The following ADAMTS18 variants were observed in gnomAD, a reference collection of about 807,000 sequenced individuals.
ADAMTS18 encodes the protein A disintegrin and metalloproteinase with thrombospondin motifs 18.
A neutral mutation model predicts 165.9 loss-of-function variants in ADAMTS18; 157 were observed. The observed-to-expected ratio is 0.95, with a 90% CI of 0.83 to 1.08. The LOEUF is 1.08. ADAMTS18 is among the 50% of genes least tolerant of loss of function. The pLI, the probability that ADAMTS18 is intolerant of heterozygous loss-of-function variation, is 0.00. For missense variants in ADAMTS18, 2,040 were observed against 1,534.0 expected, an observed-to-expected ratio of 1.33 and a Z score of -5.51; for synonymous variants, 782 against 578.2, an observed-to-expected ratio of 1.35 and a Z score of -5.06.
rs114321673 is a variant in ADAMTS18 at position 77,306,974 on chromosome 16, C to G, written c.2533-6570G>C. On this transcript the variant is annotated intron_variant, in intron 16 of 22. Transcript: ENST00000282849. ...GGATTCTAATTTAAAATTCTAAAAA[C>G]TGTGTTAACTGCTGGAAAGACAACA... Among the ~76,000 whole-genome samples, 1,438 of 152,300 alleles carry G rather than the reference C, an allele frequency of 9.4e-3. 21 individuals are homozygous for G. The highest frequency in any genetic ancestry group is 0.033 in the African/African-American group (1,356 of 41,560).
chr16:77,416,638 C>T (rs2144839465), intron 3 of ADAMTS18, among the ~76,000 whole-genome samples: 1 of 152,250 alleles, frequency 6.6e-6, no homozygotes, highest in South Asian at 2.1e-4. Context: ...AACTGTGAAT[C>T]CATTAAACCT....
Position 77,431,313 on chromosome 16 carries a change from C to T in ADAMTS18, c.477G>A (p.Val159=), listed in dbSNP as rs1161028947. ...TACTTACCAAGCCAGCACACGTAGA[C>T]ACAGCGACAGAGGAGGAGCTGTCAT... The part of the protein sequence containing the change: ...IRNDSSSSVA[V]STCAGLSGLI... The change falls in exon 3 of 23, where the codon GTG becomes GTA. Residue 159 remains valine, a synonymous_variant. Transcript: ENST00000282849. 9.9e-6 allele frequency: 16 copies of T among 1,614,018 alleles called. No individual in the cohort carries two copies. Among genetic ancestry groups the T allele is most frequent in the Non-Finnish European group, 1.4e-5 (16 of 1,180,038 alleles).
At chr16:77,295,148 T>C in intron 18 of ADAMTS18, 21 bp from the exon 19 acceptor site, 1 of 1,613,768 alleles carries the variant, frequency 6.2e-7, no homozygotes, top group Non-Finnish European at 8.5e-7. Flanking sequence ...AAAACAAACA[T>C]TACCAATGAA....
chr16:77,434,505 C>T lies in ADAMTS18; in HGVS notation c.91G>A (p.Ala31Thr), dbSNP rs1472781556. Reference protein sequence around the residue: ...GLAGLGRVAKALQLCCLCCAS... With the variant: ...GLAGLGRVAKTLQLCCLCCAS... Reference sequence around the variant, plus strand: ...CAGCAGAGGCAGCACAGCTGGAGCGCCTGCAAGAGAAAAGGTGACATCGCG... The same window carrying T: ...CAGCAGAGGCAGCACAGCTGGAGCGTCTGCAAGAGAAAAGGTGACATCGCG... The change falls in exon 2 of 23, where the codon GCG becomes ACG. Residue 31 changes from alanine to threonine, a missense_variant and splice_region_variant. Physicochemically the swap from Ala to Thr is moderately conservative, Grantham distance 58. Transcript: ENST00000282849. 6.4e-7 allele frequency: 1 copy of T among 1,557,284 alleles called. No individual in the cohort carries two copies. The highest frequency in any genetic ancestry group is 1.3e-5 in the African/African-American group (1 of 74,134).
At chr16:77,372,629 C>T (rs971793346) in intron 3 of ADAMTS18, among the ~76,000 whole-genome samples, 1 of 152,110 alleles carries the variant, frequency 6.6e-6, no homozygotes, top group East Asian at 1.9e-4. Context: ...GGTTCACATT[C>T]GTGGCCTTAT....
In ADAMTS18 at chr16:77,327,589, C is replaced by T. The variant is rs542814809; in HGVS notation, c.1860-1551G>A. ...AAAAAAGTAATGAAATAATGGCATT[C>T]ACAGCAACCTGGATAAAACTGGAGA... On this transcript the variant is annotated intron_variant, in intron 12 of 22. Coordinates refer to ENST00000282849, the MANE Select transcript of ADAMTS18 (RefSeq NM_199355.4). Among the ~76,000 whole-genome samples the T allele has an allele frequency of 1.2e-4, 19 of 152,294 alleles. No individual in the cohort carries two copies. The East Asian group carries it at 3.3e-3, about 26-fold the overall frequency.
At position 77,319,773 on chromosome 16, in the gene ADAMTS18, G is replaced by A. The variant is rs115844655; in HGVS notation, c.2532+76C>T. 2,548 of 1,607,916 alleles carry A rather than the reference G, an allele frequency of 1.6e-3. 36 individuals carry two copies. The African/African-American group carries it at 0.03, about 19-fold the overall frequency. On this transcript the variant is annotated intron_variant, in intron 16 of 22. Transcript: ENST00000282849. ...ACACCTTTGAACTAGAAGGACTGGAGTTCTGGCTCAAATTGCAGTCAACGA... is the reference window on the plus strand; with the variant it reads ...ACACCTTTGAACTAGAAGGACTGGAATTCTGGCTCAAATTGCAGTCAACGA...
At chr16:77,359,265 A>G (rs146771009) in intron 8 of ADAMTS18, 53 bp downstream of exon 8, 4 of 1,470,112 alleles carry the variant, frequency 2.7e-6, no homozygotes, top group East Asian at 2.3e-5. Context: ...AGGAACACCA[A>G]TGAATCACCC....
At chr16:77,415,514 G>A (rs529628528) in intron 3 of ADAMTS18, among the ~76,000 whole-genome samples, 6 of 152,216 alleles carry the variant, frequency 3.9e-5, no homozygotes, top group Admixed American at 3.9e-4. Flanking sequence ...AGGTGTCCCA[G>A]AATTTGATTT....
At chr16:77,423,907 G>A (rs1308237604) in intron 3 of ADAMTS18, among the ~76,000 whole-genome samples, 1 of 152,198 alleles carries the variant, frequency 6.6e-6, no homozygotes, top group African/African-American at 2.4e-5. Flanking sequence ...GGTAAAGAGA[G>A]AGAGAGAATA....
intron 3 of ADAMTS18, among the ~76,000 whole-genome samples, chr16:77,394,927 T>C (rs1347019665): frequency 6.6e-6 from 1 of 152,192 alleles, no homozygotes; most frequent in South Asian, 2.1e-4. Context: ...GACCATCTGC[T>C]TGTAAGTTAC....
intron 14 of ADAMTS18, among the ~76,000 whole-genome samples, chr16:77,321,432 T>A (rs989149221): frequency 1.3e-5 from 2 of 152,164 alleles, no homozygotes; most frequent in Admixed American, 1.3e-4. Context: ...AGACTCTTCA[T>A]CAATGAAACT....
chr16:77,401,258 C>T (rs375390814), intron 3 of ADAMTS18, among the ~76,000 whole-genome samples: 44 of 151,986 alleles, frequency 2.9e-4, no homozygotes, highest in South Asian at 6.2e-4. Context: ...CATCTCAAAA[C>T]AACAACAATA....
intron 3 of ADAMTS18, among the ~76,000 whole-genome samples, chr16:77,401,078 AAACC>A (rs1411300570): frequency 6.6e-6 from 1 of 152,036 alleles, no homozygotes; most frequent in Admixed American, 6.6e-5. Context: ...CAACATGGAG[AAACC>A]ACGTCTCTAC....
chr16:77,332,703 T>C (rs1371811959), intron 12 of ADAMTS18, among the ~76,000 whole-genome samples: 1 of 152,044 alleles, frequency 6.6e-6, no homozygotes, highest in Non-Finnish European at 1.5e-5. Flanking sequence ...AAAAGTAACA[T>C]AAAACCACCT....
chr16:77,425,223 A>T (rs746161301), intron 3 of ADAMTS18, among the ~76,000 whole-genome samples: 1 of 152,206 alleles, frequency 6.6e-6, no homozygotes, highest in Admixed American at 6.5e-5. Flanking sequence ...GCAGCCAGCC[A>T]TGGGGGAGAA....
intron 10 of ADAMTS18, among the ~76,000 whole-genome samples, chr16:77,342,282 G>C (rs575240891): frequency 3.0e-4 from 45 of 152,254 alleles, no homozygotes; most frequent in Middle Eastern, 3.4e-3. Flanking sequence ...TTATTCTCAA[G>C]GATAAATGAG....
chr16:77,323,954 A>C (rs773591882), intron 13 of ADAMTS18, among the ~76,000 whole-genome samples: 2 of 152,240 alleles, frequency 1.3e-5, no homozygotes, highest in Non-Finnish European at 2.9e-5. Context: ...TACTCAGTGG[A>C]AACTGCAATA....
intron 12 of ADAMTS18, among the ~76,000 whole-genome samples, chr16:77,334,539 G>C (rs189618556): frequency 3.2e-5 from 3 of 94,408 alleles, no homozygotes; most frequent in Non-Finnish European, 5.8e-5. Context: ...ATATATACTG[G>C]ATATTATAGT....
Sources: gnomAD v4.1 joint callset for allele counts (sites outside exome capture counted in the v4.1 genomes callset) on GRCh38, gnomAD v4.1.1 for gene constraint, MANE v1.5 for transcripts, NCBI Gene and HGNC (gene_info 2026-07-23, HGNC 2026-07-21) for gene names.